CFAP299: variants seen among roughly 807,000 people sequenced by gnomAD.
CFAP299 encodes cilia and flagella associated protein 299.
A neutral mutation model predicts 27.0 loss-of-function variants in CFAP299; 21 were observed. The ratio of observed to expected loss-of-function variants is 0.78; its 90% CI spans 0.55 to 1.12. The LOEUF (loss-of-function observed/expected upper bound fraction) is 1.12. CFAP299 is among the 50% of genes most tolerant of loss of function. CFAP299 has a pLI of 0.00. For synonymous variants in CFAP299, 104 were observed against 98.1 expected, an observed-to-expected ratio of 1.06 and a Z score of -0.36; for missense variants, 310 against 276.6, an observed-to-expected ratio of 1.12 and a Z score of -0.86.
intron 3 of CFAP299, among the ~76,000 whole-genome samples, chr4:80,798,205 G>C (rs1370759121): frequency 3.3e-5 from 5 of 152,068 alleles, no homozygotes; most frequent in African/African-American, 1.2e-4. Flanking sequence ...GCAAACAGGG[G>C]TGTTGGGGGT....
chr4:80,390,581 A>G (rs1176333891), intron 2 of CFAP299, among the ~76,000 whole-genome samples: 1 of 15,922 alleles, frequency 6.3e-5, no homozygotes, highest in East Asian at 0.011. Context: ...ATACACACAT[A>G]TATGTATATA....
rs1423486540 is a variant in CFAP299 at position 80,669,120 on chromosome 4, TTTTCTTTTCTGTCTTTC to T, written c.333+85945_333+85961del. On this transcript the variant is annotated intron_variant, in intron 3 of 5. Transcript: ENST00000358105. ...TTAATTTCTTTTTTCTTTTCTTTTC[TTTTCTTTTCTGTCTTTC>T]TTTCTTTCTTTCTTTTTTTTTTTTT... Among the ~76,000 whole-genome samples the T allele has an allele frequency of 2.1e-4, 22 of 102,860 alleles. No individual in the cohort carries two copies. The East Asian group carries it at 3.6e-3, about 17-fold the overall frequency. The allele number at this position is 102,860 out of a possible 152,430, so 67.5% of individuals were successfully genotyped here. A position where few individuals can be genotyped will look rare whatever the true frequency, so the allele number is the denominator to read the frequency against.
intron 2 of CFAP299, among the ~76,000 whole-genome samples, chr4:80,472,548 A>G (rs1255087499): frequency 6.6e-6 from 1 of 152,202 alleles, no homozygotes; most frequent in Non-Finnish European, 1.5e-5. Context: ...TGACTTCAAC[A>G]GGGATAACAC....
chr4:80,615,175 A>G (rs1262040363), intron 3 of CFAP299, among the ~76,000 whole-genome samples: 1 of 152,126 alleles, frequency 6.6e-6, no homozygotes, highest in Non-Finnish European at 1.5e-5. Flanking sequence ...AGCTGCTAAT[A>G]TTTACTAGTC....
At chr4:80,727,537 C>T (rs1383296851) in intron 3 of CFAP299, among the ~76,000 whole-genome samples, 4 of 151,972 alleles carry the variant, frequency 2.6e-5, no homozygotes, top group Admixed American at 6.6e-5. Context: ...ATCATGATTC[C>T]ACCACTGTCT....
At chr4:80,631,860 C>CCA (rs1739224310) in intron 3 of CFAP299, among the ~76,000 whole-genome samples, 1 of 13,022 alleles carries the variant, frequency 7.7e-5, no homozygotes, top group Admixed American at 1.0e-3. Context: ...AATATTTGTG[C>CCA]CCCACCCCCC....
At chr4:80,669,930 C>T (rs1741379814) in intron 3 of CFAP299, among the ~76,000 whole-genome samples, 1 of 150,396 alleles carries the variant, frequency 6.6e-6, no homozygotes, top group Admixed American at 6.6e-5. Flanking sequence ...AGCAGTCTGT[C>T]GATTTTGTTG....
chr4:80,650,659 T>G (rs1023286451), intron 3 of CFAP299, among the ~76,000 whole-genome samples: 6 of 152,198 alleles, frequency 3.9e-5, no homozygotes, highest in African/African-American at 1.4e-4. Context: ...CTTATGCATC[T>G]TAAAGTTTTT....
intron 3 of CFAP299, among the ~76,000 whole-genome samples, chr4:80,683,773 TAAC>T (rs999872615): frequency 1.3e-5 from 2 of 152,230 alleles, no homozygotes; most frequent in Non-Finnish European, 1.5e-5. Flanking sequence ...ATTTGAGATA[TAAC>T]AACGTTTATG....
intron 2 of CFAP299, among the ~76,000 whole-genome samples, chr4:80,562,459 G>A (rs1018561852): frequency 1.2e-4 from 18 of 151,708 alleles, no homozygotes; most frequent in African/African-American, 4.1e-4. Flanking sequence ...TTAGCTGGGT[G>A]TAGTGGCGGG....
intron 3 of CFAP299, among the ~76,000 whole-genome samples, chr4:80,645,460 G>A (rs77134040): frequency 0.017 from 2,576 of 152,188 alleles, 52 homozygotes; most frequent in Admixed American, 0.06. Context: ...TAAAATATCT[G>A]TATTCACAGA....
intron 3 of CFAP299, among the ~76,000 whole-genome samples, chr4:80,603,943 A>G (rs956183386): frequency 1.3e-5 from 2 of 152,180 alleles, no homozygotes; most frequent in Admixed American, 1.3e-4. Flanking sequence ...GCTCTTTAAA[A>G]TAAATTAATA....
intron 3 of CFAP299, among the ~76,000 whole-genome samples, chr4:80,779,602 C>A (rs1726754021): frequency 6.6e-6 from 1 of 151,990 alleles, no homozygotes; most frequent in Admixed American, 6.6e-5. Flanking sequence ...AGACATCAGA[C>A]ACTGTTCATA....
chr4:80,360,370 G>T (rs893062215), intron 1 of CFAP299, among the ~76,000 whole-genome samples: 1 of 152,174 alleles, frequency 6.6e-6, no homozygotes, highest in African/African-American at 2.4e-5. Context: ...AGGTATGCTG[G>T]TGGGTACACG....
chr4:80,540,281 A>G (rs1331885868), intron 2 of CFAP299, among the ~76,000 whole-genome samples: 2 of 152,234 alleles, frequency 1.3e-5, no homozygotes, highest in African/African-American at 4.8e-5. Flanking sequence ...ATTTCATTTT[A>G]ATAAACAGAG....
intron 2 of CFAP299, among the ~76,000 whole-genome samples, chr4:80,523,820 A>C (rs1733039823): frequency 6.6e-6 from 1 of 152,142 alleles, no homozygotes; most frequent in Non-Finnish European, 1.5e-5. Flanking sequence ...CCCTCATAAT[A>C]AAATTTTTTC....
intron 3 of CFAP299, among the ~76,000 whole-genome samples, chr4:80,681,083 G>C (rs1246519556): frequency 6.6e-6 from 1 of 152,086 alleles, no homozygotes; most frequent in Admixed American, 6.6e-5. Flanking sequence ...ATTGTTCTCA[G>C]GTTGTGTCTG....
At chr4:80,477,310 C>T (rs1730331776) in intron 2 of CFAP299, among the ~76,000 whole-genome samples, 1 of 152,182 alleles carries the variant, frequency 6.6e-6, no homozygotes, top group South Asian at 2.1e-4. Context: ...AATTTGCCTA[C>T]CTCAGCCTCC....
At chr4:80,359,813 C>A (rs1723453932) in intron 1 of CFAP299, among the ~76,000 whole-genome samples, 2 of 152,170 alleles carry the variant, frequency 1.3e-5, no homozygotes, top group African/African-American at 4.8e-5. Flanking sequence ...ATTCTGAATT[C>A]TATTTCTGTC....
Sources: gnomAD v4.1 joint callset for allele counts (sites outside exome capture counted in the v4.1 genomes callset) on GRCh38, gnomAD v4.1.1 for gene constraint, MANE v1.5 for transcripts, NCBI Gene and HGNC (gene_info 2026-07-23, HGNC 2026-07-21) for gene names.